The following TRPM1 variants were observed in gnomAD, a reference collection of about 807,000 sequenced individuals.
TRPM1 encodes the protein TRPM1-203 APA Isoform, Intron 10.
In TRPM1, 113 loss-of-function variants were observed where a neutral mutation model predicts 149.4. The ratio of observed to expected loss-of-function variants is 0.76; its 90% confidence interval spans 0.65 to 0.88. The LOEUF (loss-of-function observed/expected upper bound fraction) is 0.88, where lower values mean the gene tolerates loss of function less well. Ranked by LOEUF, TRPM1 falls within the 40% of genes least tolerant of loss-of-function variation. The pLI is 0.00. For missense variants in TRPM1, 1,976 were observed against 2,038.7 expected, an observed-to-expected ratio of 0.97 and a Z score of 0.59; for synonymous variants, 741 against 759.5, an observed-to-expected ratio of 0.98 and a Z score of 0.40.
Position 31,047,211 on chromosome 15 carries a change from A to AG in TRPM1, c.1663_1664insC (p.Ile555ThrfsTer36). ...CATGAGGTACTCCAGCACGAGCCCG[A>AG]TGTCTATGAGGCTGATGTGGTAATC... On this transcript the variant is annotated frameshift_variant, in exon 15 of 28. Transcript: ENST00000256552. LOFTEE classifies it high-confidence loss of function. The AG allele has an allele frequency of 3.1e-6, 5 of 1,614,184 alleles. No homozygotes were observed. Among genetic ancestry groups the AG allele is most frequent in the Non-Finnish European group, 4.2e-6 (5 of 1,180,044 alleles).
chr15:31,049,565 G>A (rs1296925292), intron 12 of TRPM1, 56 bp from the exon 13 acceptor site: 1 of 1,604,984 alleles, frequency 6.2e-7, no homozygotes. Flanking sequence ...CACAGGGGAG[G>A]GGGGCGACTG....
intron 1 of TRPM1, among the ~76,000 whole-genome samples, chr15:31,088,691 T>G (rs371044085): frequency 6.6e-6 from 1 of 152,030 alleles, no homozygotes; most frequent in South Asian, 2.1e-4. Flanking sequence ...TAAGCCTTTT[T>G]GGGATTTGGG....
In TRPM1 at chr15:31,032,805, T is replaced by C. The variant is rs781455638; in HGVS notation, c.2836A>G (p.Met946Val). 4 of 1,614,124 alleles carry C rather than the reference T, an allele frequency of 2.5e-6. No homozygotes were observed. The highest frequency in any genetic ancestry group is 2.2e-5 in the East Asian group (1 of 44,886). ...CAGTAGATCACCCGGCCATAGCCCATGTAGGGCTGGTTCTGTAGGCGAAGA... is the reference window on the plus strand; with the variant it reads ...CAGTAGATCACCCGGCCATAGCCCACGTAGGGCTGGTTCTGTAGGCGAAGA... Reference protein sequence around the residue: ...AILRLQNQPYMGYGRVIYCVD... With the variant: ...AILRLQNQPYVGYGRVIYCVD... Residue 946 changes from methionine (M) to valine (V), a missense_variant, in exon 22 of 28, where the codon ATG (methionine) becomes GTG (valine). Around this residue, in one of 3 missense-constraint regions of TRPM1, gnomAD observed 1,332 missense variants for 1,347.1 expected, o/e 0.99. Coordinates refer to ENST00000256552, the MANE Select transcript of TRPM1 (RefSeq NM_001252024.2).
intron 20 of TRPM1, 80 bp from the exon 21 acceptor site, chr15:31,035,754 T>C: frequency 1.9e-6 from 3 of 1,593,832 alleles, no homozygotes; most frequent in South Asian, 1.1e-5. Context: ...TTCTTTCAGG[T>C]TGACACATCT....
intron 23 of TRPM1, 46 bp downstream of exon 23, chr15:31,030,937 G>A: frequency 6.2e-7 from 1 of 1,607,652 alleles, no homozygotes; most frequent in Non-Finnish European, 8.5e-7. Flanking sequence ...CTGATCATCT[G>A]CCTCAGAAGC....
At chr15:31,071,297 G>A (rs1266836781) in intron 3 of TRPM1, among the ~76,000 whole-genome samples, 1 of 152,202 alleles carries the variant, frequency 6.6e-6, no homozygotes, top group Non-Finnish European at 1.5e-5. Flanking sequence ...GGACCCAGCA[G>A]GAGCCTGTGT....
intron 1 of TRPM1, among the ~76,000 whole-genome samples, chr15:31,113,220 T>C (rs1436497008): frequency 6.6e-6 from 1 of 152,032 alleles, no homozygotes; most frequent in African/African-American, 2.4e-5. Flanking sequence ...CAGGAGTGAA[T>C]CTCCCAGCCA....
intron 3 of TRPM1, among the ~76,000 whole-genome samples, chr15:31,072,976 CTTTCT>C (rs1289037981): frequency 6.6e-6 from 1 of 152,088 alleles, no homozygotes. Context: ...TGTCTTTCCA[CTTTCT>C]TGATAGCGTC....
At chr15:31,158,525 G>T (rs1477320640) in intron 1 of TRPM1, among the ~76,000 whole-genome samples, 1 of 151,558 alleles carries the variant, frequency 6.6e-6, no homozygotes, top group African/African-American at 2.4e-5. Flanking sequence ...TACTTGGGAG[G>T]CTGAGGCAGG....
intron 1 of TRPM1, among the ~76,000 whole-genome samples, chr15:31,127,473 T>C (rs2035965722): frequency 6.6e-6 from 1 of 152,230 alleles, no homozygotes; most frequent in Non-Finnish European, 1.5e-5. Flanking sequence ...GAATTCAAAA[T>C]TCCACAAGAG....
At chr15:31,009,214 T>G (rs999802682) in intron 27 of TRPM1, among the ~76,000 whole-genome samples, 7 of 152,128 alleles carry the variant, frequency 4.6e-5, no homozygotes, top group African/African-American at 1.7e-4. Context: ...AAAAACATAA[T>G]GCAGGCCATG....
intron 27 of TRPM1, among the ~76,000 whole-genome samples, chr15:31,019,382 G>C (rs1352114894): frequency 1.3e-5 from 2 of 152,126 alleles, no homozygotes; most frequent in African/African-American, 4.8e-5. Flanking sequence ...AATCATAAAA[G>C]AACAAGACTC....
At chr15:31,139,228 G>T (rs2036128046) in intron 1 of TRPM1, among the ~76,000 whole-genome samples, 1 of 152,184 alleles carries the variant, frequency 6.6e-6, no homozygotes, top group Non-Finnish European at 1.5e-5. Flanking sequence ...CAGATTTTTA[G>T]AAATTAGAGA....
At chr15:31,099,137 T>C (rs1416822395) in intron 1 of TRPM1, among the ~76,000 whole-genome samples, 1 of 152,174 alleles carries the variant, frequency 6.6e-6, no homozygotes, top group Non-Finnish European at 1.5e-5. Flanking sequence ...CTGCTCCCAA[T>C]GGATGCTGTA....
intron 2 of TRPM1, 55 bp from the exon 3 acceptor site, chr15:31,077,039 G>A (rs1401833624): frequency 5.8e-6 from 7 of 1,198,016 alleles, no homozygotes; most frequent in Non-Finnish European, 8.7e-6. Context: ...GCCATCATCA[G>A]AGTCCATTCT....
chr15:31,049,179 C>T (rs1458665925), intron 13 of TRPM1, among the ~76,000 whole-genome samples, 196 bp downstream of exon 13: 1 of 152,052 alleles, frequency 6.6e-6, no homozygotes, highest in Non-Finnish European at 1.5e-5. Flanking sequence ...GAGTGACTGG[C>T]GAGGCATGGC....
At position 31,111,399 on chromosome 15, in the gene TRPM1, T is replaced by C. The variant is rs762334013; in HGVS notation, c.55-34415A>G. On this transcript the variant is annotated intron_variant, in intron 1 of 26. Transcript: ENST00000542188. ...CACCATGGCTAACACTTCTGAAGTC[T>C]TCACTCTGGAGTGATGGCAAAATTC... Among the ~76,000 whole-genome samples, 79 of 152,318 alleles carry C rather than the reference T, an allele frequency of 5.2e-4. 1 individual carries two copies. The highest frequency in any genetic ancestry group is 3.4e-3 in the Middle Eastern group (1 of 294).
intron 22 of TRPM1, 126 bp from the exon 23 acceptor site, chr15:31,031,283 T>C: frequency 9.9e-7 from 1 of 1,012,934 alleles, no homozygotes; most frequent in Non-Finnish European, 1.5e-6. Context: ...AAAGCCTCTT[T>C]CCCTTCCTTT....
At chr15:31,014,182 G>A (rs141131176) in intron 27 of TRPM1, among the ~76,000 whole-genome samples, 4 of 152,100 alleles carry the variant, frequency 2.6e-5, no homozygotes, top group Non-Finnish European at 5.9e-5. Flanking sequence ...TTTTTGGTTA[G>A]TCTATTGTTT....
Sources: gnomAD v4.1 joint callset for allele counts (sites outside exome capture counted in the v4.1 genomes callset) on GRCh38, gnomAD v4.1.1 for gene constraint, gnomAD v4.1.1 regional missense constraint, MANE v1.5 for transcripts, NCBI Gene and HGNC (gene_info 2026-07-23, HGNC 2026-07-21) for gene names.